HHAT: variants seen among roughly 807,000 people sequenced by gnomAD.
HHAT encodes the protein hedgehog acyltransferase.
Under a neutral mutation model 70.8 loss-of-function variants are expected in HHAT, and 47 were observed. The ratio of observed to expected loss-of-function variants is 0.66; its 90% CI spans 0.53 to 0.85. The LOEUF is 0.85. Ranked by LOEUF, HHAT falls within the 40% of genes least tolerant of loss-of-function variation. The pLI is 0.00. For synonymous variants in HHAT, 228 were observed against 247.6 expected, an observed-to-expected ratio of 0.92 and a Z score of 0.74; for missense variants, 609 against 604.8, an observed-to-expected ratio of 1.01 and a Z score of -0.07.
At chr1:210,536,243 C>T (rs1224043804) in intron 9 of HHAT, among the ~76,000 whole-genome samples, 1 of 152,244 alleles carries the variant, frequency 6.6e-6, no homozygotes, top group African/African-American at 2.4e-5. Flanking sequence ...TTCTAGCACA[C>T]AGAATTTTAC....
chr1:210,511,616 A>T (rs1558059653), intron 8 of HHAT, among the ~76,000 whole-genome samples: 1 of 151,828 alleles, frequency 6.6e-6, no homozygotes, highest in South Asian at 2.1e-4. Context: ...TCCTGTGTCC[A>T]TTACCTCTTG....
chr1:210,588,781 T>A (rs1416304017), intron 10 of HHAT: 1 of 152,322 alleles, frequency 6.6e-6, no homozygotes, highest in Admixed American at 6.5e-5. Flanking sequence ...TTTCTACCAA[T>A]GGTGCATAAG....
chr1:210,609,513 T>G (rs1459930733), intron 10 of HHAT, among the ~76,000 whole-genome samples: 1 of 152,148 alleles, frequency 6.6e-6, no homozygotes, highest in Non-Finnish European at 1.5e-5. Flanking sequence ...TTCTTTATTT[T>G]TTCAACTTTT....
intron 2 of HHAT, among the ~76,000 whole-genome samples, chr1:210,353,589 T>C (rs888886818): frequency 8.5e-5 from 13 of 152,104 alleles, no homozygotes; most frequent in Non-Finnish European, 1.8e-4. Context: ...ATACTTTATG[T>C]AGGTTTTCAG....
rs544306024 is a variant in HHAT, at chr1:210,409,630, A to G, written c.684+4951A>G. Among the ~76,000 whole-genome samples the G allele has an allele frequency of 4.9e-4, 75 of 152,332 alleles. No homozygotes were observed. In the Middle Eastern group the frequency reaches 0.024, roughly 48 times the overall value. The stretch of plus-strand genomic sequence containing the variant: ...AATAAGTTAGTGGCCCAGGTGGCCC[A>G]GTTGAATATCTGCCTCTGGGGAGGG... On this transcript the variant is annotated intron_variant, in intron 6 of 11. Transcript: ENST00000261458.
chr1:210,450,914 C>G (rs2093741921), intron 7 of HHAT, among the ~76,000 whole-genome samples: 1 of 151,882 alleles, frequency 6.6e-6, no homozygotes, highest in South Asian at 2.1e-4. Context: ...AACCCCGTCT[C>G]TACTAAAAAT....
At chr1:210,435,618 A>G (rs1040939486) in intron 7 of HHAT, among the ~76,000 whole-genome samples, 1 of 151,724 alleles carries the variant, frequency 6.6e-6, no homozygotes, top group African/African-American at 2.4e-5. Flanking sequence ...CTTTCTTTAC[A>G]TCTTCACCAG....
At chr1:210,372,940 C>T (rs1271084039) in intron 3 of HHAT, among the ~76,000 whole-genome samples, 2 of 152,144 alleles carry the variant, frequency 1.3e-5, no homozygotes, top group African/African-American at 2.4e-5. Flanking sequence ...ACATATTGAG[C>T]ACCATGCTTT....
At chr1:210,382,926 G>A (rs2090756321) in intron 3 of HHAT, among the ~76,000 whole-genome samples, 1 of 152,172 alleles carries the variant, frequency 6.6e-6, no homozygotes, top group African/African-American at 2.4e-5. Context: ...GACAGGCCTA[G>A]GTTTGAAACC....
rs116453021 is a variant in HHAT at position 210,610,831 on chromosome 1, C to T, written c.1246-12695C>T. 1.8e-3 allele frequency among the ~76,000 whole-genome samples: 270 copies of T among 152,006 alleles called. 1 individual carries two copies. The highest frequency in any genetic ancestry group is 6.3e-3 in the African/African-American group (261 of 41,492). On this transcript the variant is annotated intron_variant, in intron 10 of 11. Coordinates refer to ENST00000261458, the MANE Select transcript of HHAT (RefSeq NM_018194.6). Reference sequence around the variant, plus strand: ...TGGAGATCAGACGATTATAGGTATGCGGTCTCATTTCTGGGTTCTCTATTC... The same window carrying T: ...TGGAGATCAGACGATTATAGGTATGTGGTCTCATTTCTGGGTTCTCTATTC...
At chr1:210,448,005 A>T (rs2093668858) in intron 7 of HHAT, among the ~76,000 whole-genome samples, 1 of 150,706 alleles carries the variant, frequency 6.6e-6, no homozygotes. Flanking sequence ...TCGATCAGGG[A>T]CTCCCACTCG....
intron 8 of HHAT, among the ~76,000 whole-genome samples, chr1:210,499,302 A>G (rs2094709234): frequency 6.6e-6 from 1 of 151,964 alleles, no homozygotes; most frequent in African/African-American, 2.4e-5. Flanking sequence ...TGGCTCCTTA[A>G]TTTTTTTCTT....
At chr1:210,446,820 C>T (rs4845031) in intron 7 of HHAT, among the ~76,000 whole-genome samples, 35,440 of 152,076 alleles carry the variant, frequency 0.23, 4,455 homozygotes, top group Admixed American at 0.36. Context: ...AGACAACCAG[C>T]GTTCTGCATC....
Position 210,521,766 on chromosome 1 carries a change from A to T in HHAT, c.1043+8578A>T, listed in dbSNP as rs2095161733. ...GAAGGAAGAGAGCTGGAGATGAGCC[A>T]CTCTTTTTTTGGTGTCCCCTTAGGA... On this transcript the variant is annotated intron_variant, in intron 9 of 11. Coordinates refer to ENST00000261458, the MANE Select transcript of HHAT (RefSeq NM_018194.6). 2.0e-5 allele frequency among the ~76,000 whole-genome samples: 3 copies of T among 152,030 alleles called. No homozygotes were observed. In the South Asian group the frequency reaches 6.2e-4, roughly 32 times the overall value.
chr1:210,374,257 G>T, intron 3 of HHAT: 1 of 130,328 alleles, frequency 7.7e-6, no homozygotes, highest in Non-Finnish European at 1.6e-5. Flanking sequence ...GATCTGAAGA[G>T]AAACCAGTGT....
intron 10 of HHAT, among the ~76,000 whole-genome samples, chr1:210,594,691 C>A (rs1227562638): frequency 6.6e-6 from 1 of 152,116 alleles, no homozygotes; most frequent in Non-Finnish European, 1.5e-5. Context: ...ACATCCTTTT[C>A]TTTCAGATTG....
intron 10 of HHAT, 31 bp from the exon 11 acceptor site, chr1:210,623,495 A>T (rs539163978): frequency 1.2e-6 from 2 of 1,613,168 alleles, no homozygotes; most frequent in African/African-American, 1.3e-5. Context: ...CACCCTTGTC[A>T]TGAGATGCTT....
chr1:210,512,858 G>T (rs567636072), intron 8 of HHAT, among the ~76,000 whole-genome samples: 9 of 152,014 alleles, frequency 5.9e-5, no homozygotes, highest in African/African-American at 2.2e-4. Context: ...AGACACTTAC[G>T]CTACTAGAGA....
chr1:210,488,289 C>T (rs923697951), intron 8 of HHAT, among the ~76,000 whole-genome samples: 16 of 152,208 alleles, frequency 1.1e-4, no homozygotes, highest in Non-Finnish European at 4.4e-5. Context: ...CAAAGTGAGG[C>T]TTACCTGGAC....
Sources: gnomAD v4.1 joint callset for allele counts (sites outside exome capture counted in the v4.1 genomes callset) on GRCh38, gnomAD v4.1.1 for gene constraint, MANE v1.5 for transcripts, NCBI Gene and HGNC (gene_info 2026-07-23, HGNC 2026-07-21) for gene names.